TENT2: variants seen among roughly 807,000 people sequenced by gnomAD.
TENT2 encodes the protein poly(A) RNA polymerase GLD2.
A neutral mutation model predicts 72.2 loss-of-function variants in TENT2; 44 were observed. The ratio of observed to expected loss-of-function variants is 0.61; its 90% CI spans 0.48 to 0.78. The LOEUF is 0.78. Among genes scored for constraint, TENT2 ranks in the 30% least tolerant of loss-of-function variants. The pLI is 0.00. For missense variants in TENT2, 541 were observed against 569.6 expected (o/e 0.95, Z 0.51); for synonymous variants, 212 against 192.5 (o/e 1.10, Z -0.84).
At chr5:79,681,304 C>T (rs989111053) in intron 13 of TENT2, among the ~76,000 whole-genome samples, 32 of 151,344 alleles carry the variant, frequency 2.1e-4, no homozygotes, top group African/African-American at 7.0e-4. Context: ...GGACTACAGG[C>T]GCGCACCACC....
chr5:79,680,202 G>T (rs1820605373), intron 13 of TENT2, among the ~76,000 whole-genome samples: 1 of 152,104 alleles, frequency 6.6e-6, no homozygotes, highest in Non-Finnish European at 1.5e-5. Context: ...TAAATTGAAG[G>T]CCTTTGTAAA....
intron 1 of TENT2, among the ~76,000 whole-genome samples, chr5:79,618,920 T>C (rs1762588708): frequency 6.6e-6 from 1 of 152,196 alleles, no homozygotes; most frequent in African/African-American, 2.4e-5. Context: ...GGTCCTATTT[T>C]TCTTTGTAGA....
At chr5:79,616,365 A>AT (rs879735158) in intron 1 of TENT2, among the ~76,000 whole-genome samples, 2 of 149,988 alleles carry the variant, frequency 1.3e-5, no homozygotes, top group Non-Finnish European at 3.0e-5. Context: ...CGCCTGGCTG[A>AT]TTTTTTTTGT....
intron 4 of TENT2, among the ~76,000 whole-genome samples, chr5:79,629,763 C>T (rs1425459313): frequency 1.4e-5 from 2 of 146,256 alleles, no homozygotes; most frequent in Non-Finnish European, 3.0e-5. Flanking sequence ...GGAGGCAGAG[C>T]TTGCAGTGAG....
At chr5:79,682,267 A>C (rs1422481162) in intron 14 of TENT2, among the ~76,000 whole-genome samples, 2 of 152,104 alleles carry the variant, frequency 1.3e-5, no homozygotes, top group Non-Finnish European at 1.5e-5. Flanking sequence ...TTTCACTTTC[A>C]TAGAAATAAG....
intron 14 of TENT2, among the ~76,000 whole-genome samples, chr5:79,683,923 C>CAAAAAAAAAAAAAA (rs761567083): frequency 2.4e-5 from 1 of 41,560 alleles, no homozygotes; most frequent in Non-Finnish European, 5.2e-5. Context: ...GACTCCGTCT[C>CAAAAAAAAAAAAAA]AAAAAAAAAA....
chr5:79,674,853 TGGTA>T (rs1288719700), intron 12 of TENT2, among the ~76,000 whole-genome samples: 1 of 152,194 alleles, frequency 6.6e-6, no homozygotes, highest in African/African-American at 2.4e-5. Flanking sequence ...CAATGGAATG[TGGTA>T]TCTTGGGAAT....
intron 11 of TENT2, among the ~76,000 whole-genome samples, chr5:79,661,350 C>T (rs1039812380): frequency 6.6e-6 from 1 of 152,060 alleles, no homozygotes; most frequent in Non-Finnish European, 1.5e-5. Context: ...TCTTTTATAC[C>T]ATGTTTTTAG....
intron 8 of TENT2, among the ~76,000 whole-genome samples, chr5:79,647,920 C>T (rs2150113188): frequency 6.6e-6 from 1 of 152,104 alleles, no homozygotes; most frequent in South Asian, 2.1e-4. Context: ...GTATCAATAG[C>T]CAAATTTGAC....
intron 10 of TENT2, 86 bp downstream of exon 10, chr5:79,649,276 A>G: frequency 1.6e-6 from 2 of 1,286,712 alleles, no homozygotes; most frequent in Non-Finnish European, 2.1e-6. Flanking sequence ...ATTTTCAAAT[A>G]GTATTGTTTT....
chr5:79,624,529 A>C (rs1262594588), intron 4 of TENT2, among the ~76,000 whole-genome samples: 10 of 152,148 alleles, frequency 6.6e-5, no homozygotes, highest in Non-Finnish European at 1.5e-5. Context: ...CTGATTCCCA[A>C]ACATTTTCAT....
chr5:79,617,341 C>G (rs1761084745), intron 1 of TENT2, among the ~76,000 whole-genome samples: 1 of 151,532 alleles, frequency 6.6e-6, no homozygotes, highest in Non-Finnish European at 1.5e-5. Flanking sequence ...TATATTCATT[C>G]TTTGTAAGAA....
At chr5:79,631,035 C>T (rs1448450132) in intron 4 of TENT2, among the ~76,000 whole-genome samples, 1 of 152,092 alleles carries the variant, frequency 6.6e-6, no homozygotes, top group African/African-American at 2.4e-5. Flanking sequence ...GAATCCATAA[C>T]ATTTGATGAT....
At chr5:79,682,749 A>G (rs1823067807) in intron 14 of TENT2, among the ~76,000 whole-genome samples, 1 of 152,178 alleles carries the variant, frequency 6.6e-6, no homozygotes, top group African/African-American at 2.4e-5. Context: ...TGTCACAGGA[A>G]TTAGAGTGCT....
At chr5:79,646,135 C>G (rs1788771180) in intron 8 of TENT2, among the ~76,000 whole-genome samples, 1 of 152,014 alleles carries the variant, frequency 6.6e-6, no homozygotes, top group Non-Finnish European at 1.5e-5. Context: ...TGCTTTTTTG[C>G]TATTTAGAAT....
chr5:79,642,357 G>T (rs1296617429), intron 6 of TENT2, among the ~76,000 whole-genome samples: 1 of 151,806 alleles, frequency 6.6e-6, no homozygotes, highest in Admixed American at 6.6e-5. Context: ...AAACTTTTTC[G>T]TGCTGCTAGA....
At chr5:79,669,137 G>A in intron 12 of TENT2, 109 bp downstream of exon 12, 3 of 1,330,308 alleles carry the variant, frequency 2.3e-6, no homozygotes, top group East Asian at 2.4e-5. Context: ...TTAGTCAGGA[G>A]CTGTGTTTGT....
intron 10 of TENT2, among the ~76,000 whole-genome samples, chr5:79,653,780 G>A (rs1381220371): frequency 6.6e-6 from 1 of 152,102 alleles, no homozygotes; most frequent in African/African-American, 2.4e-5. Context: ...TACTGTGAGG[G>A]AAAAGGGCAA....
intron 10 of TENT2, among the ~76,000 whole-genome samples, chr5:79,650,243 T>C (rs12518931): frequency 0.11 from 16,786 of 152,100 alleles, 1,050 homozygotes; most frequent in East Asian, 0.29. Flanking sequence ...ATAGAATACC[T>C]ACCAAATAAA....
Sources: allele counts gnomAD v4.1 joint callset (sites outside exome capture counted in the v4.1 genomes callset), GRCh38; gene constraint gnomAD v4.1.1; transcripts MANE v1.5; gene names NCBI Gene and HGNC (gene_info 2026-07-23, HGNC 2026-07-21).